Variants in PIGL observed in about 807,000 individuals in gnomAD.
PIGL encodes N-acetylglucosaminyl-phosphatidylinositol de-N-acetylase.
A neutral mutation model predicts 31.1 loss-of-function variants in PIGL; 22 were observed. That is an observed-to-expected ratio of 0.71 (90% CI 0.51 to 1.01). The LOEUF (loss-of-function observed/expected upper bound fraction) is 1.01. Among genes scored for constraint, PIGL ranks in the 50% least tolerant of loss-of-function variants. The pLI is 0.00. For synonymous variants in PIGL, 131 were observed against 117.4 expected (o/e 1.12, Z -0.75); for missense variants, 302 against 315.9 (o/e 0.96, Z 0.33).
chr17:16,252,199 G>A (rs1163132633), intron 2 of PIGL, among the ~76,000 whole-genome samples: 2 of 151,504 alleles, frequency 1.3e-5, no homozygotes, highest in Non-Finnish European at 2.9e-5. Flanking sequence ...TCAGCCTCCC[G>A]AGTAGGTGGG....
chr17:16,276,709 C>T (rs1191700241), intron 2 of PIGL, among the ~76,000 whole-genome samples: 1 of 152,006 alleles, frequency 6.6e-6, no homozygotes, highest in East Asian at 1.9e-4. Flanking sequence ...TGCACTCCAG[C>T]CTGGGTGACA....
At chr17:16,220,819 G>C (rs951834802) in intron 1 of PIGL, among the ~76,000 whole-genome samples, 8 of 152,004 alleles carry the variant, frequency 5.3e-5, no homozygotes, top group African/African-American at 1.9e-4. Context: ...TTTCAGTAGA[G>C]ACAGGGTTTC....
At chr17:16,251,733 A>G (rs2092772858) in intron 2 of PIGL, among the ~76,000 whole-genome samples, 1 of 151,758 alleles carries the variant, frequency 6.6e-6, no homozygotes, top group Admixed American at 6.6e-5. Context: ...TTCAGTACCT[A>G]GAATGACACT....
chr17:16,245,607 G>A (rs1246924990), intron 2 of PIGL, among the ~76,000 whole-genome samples: 2 of 148,998 alleles, frequency 1.3e-5, no homozygotes, highest in Admixed American at 6.8e-5. Context: ...GTTTCACCAT[G>A]TTGGGCAGGA....
chr17:16,237,452 A>G (rs1408857450), intron 2 of PIGL, among the ~76,000 whole-genome samples: 1 of 151,316 alleles, frequency 6.6e-6, no homozygotes, highest in African/African-American at 2.4e-5. Flanking sequence ...TATACAGATG[A>G]TTACAATTCA....
At chr17:16,299,766 T>C in intron 2 of PIGL, 122 bp from the exon 3 acceptor site, 1 of 716,544 alleles carries the variant, frequency 1.4e-6, no homozygotes, top group Non-Finnish European at 2.5e-6. Context: ...TGCTGAAGCT[T>C]AAGGGCAGGG....
At chr17:16,290,676 G>A (rs921620783) in intron 2 of PIGL, among the ~76,000 whole-genome samples, 1 of 152,086 alleles carries the variant, frequency 6.6e-6, no homozygotes, top group African/African-American at 2.4e-5. Context: ...GAGCTACTGC[G>A]CCCAGCCCAG....
chr17:16,306,679 G>A (rs1249944547), intron 3 of PIGL, among the ~76,000 whole-genome samples: 1 of 151,990 alleles, frequency 6.6e-6, no homozygotes, highest in Admixed American at 6.6e-5. Context: ...ACAGGCATGC[G>A]CCACCAGGCC....
intron 2 of PIGL, among the ~76,000 whole-genome samples, chr17:16,252,368 G>A (rs1038111218): frequency 1.3e-5 from 2 of 151,704 alleles, no homozygotes; most frequent in Non-Finnish European, 2.9e-5. Context: ...CACCCCACCC[G>A]GCCTCTTTTC....
At chr17:16,296,967 G>A (rs536207440) in intron 2 of PIGL, among the ~76,000 whole-genome samples, 5 of 152,148 alleles carry the variant, frequency 3.3e-5, no homozygotes, top group South Asian at 2.1e-4. Flanking sequence ...TGATCCGCCC[G>A]CCTCGGCCTC....
intron 1 of PIGL, among the ~76,000 whole-genome samples, chr17:16,218,384 C>T (rs544397809): frequency 6.6e-6 from 1 of 152,086 alleles, no homozygotes; most frequent in South Asian, 2.1e-4. Context: ...TATTCTATGC[C>T]CTAGGGATAC....
chr17:16,286,139 A>G (rs1170525853), intron 2 of PIGL, among the ~76,000 whole-genome samples: 1 of 152,190 alleles, frequency 6.6e-6, no homozygotes, highest in African/African-American at 2.4e-5. Flanking sequence ...GGGTGGCTGA[A>G]CCTTCCGGCT....
At chr17:16,223,732 AAAAG>A (rs1223987337) in intron 1 of PIGL, among the ~76,000 whole-genome samples, 7 of 152,058 alleles carry the variant, frequency 4.6e-5, no homozygotes, top group Non-Finnish European at 5.9e-5. Flanking sequence ...AGAAAAAAAA[AAAAG>A]AAAGCTCATT....
rs534716676 is a variant in PIGL at position 16,317,813 on chromosome 17, C to T, written c.565C>T (p.Arg189Cys). The T allele has an allele frequency of 1.2e-5, 19 of 1,613,968 alleles. No homozygotes were observed. The highest frequency in any genetic ancestry group is 1.7e-4 in the Middle Eastern group (1 of 6,006). The change falls in exon 6 of 7, where the codon CGC becomes TGC. Residue 189 changes from arginine to cysteine, a missense_variant. By Grantham distance (180) the Arg-to-Cys change is radical. Coordinates refer to ENST00000225609, the MANE Select transcript of PIGL (RefSeq NM_004278.4). Reference protein sequence around the residue: ...VLTLQSVNVLRKYISLLDLPL... With the variant: ...VLTLQSVNVLCKYISLLDLPL... ...CACGCTTCAGTCTGTGAATGTGCTG[C>T]GCAAGTACATCTCCCTTCTGGATCT...
chr17:16,314,592 C>T (rs888851219), intron 4 of PIGL, among the ~76,000 whole-genome samples: 17 of 152,138 alleles, frequency 1.1e-4, no homozygotes, highest in African/African-American at 4.1e-4. Flanking sequence ...TACCCACATA[C>T]TCTTTCTAGG....
intron 2 of PIGL, 174 bp downstream of exon 2, chr17:16,234,244 C>A: frequency 2.1e-6 from 1 of 477,578 alleles, no homozygotes; most frequent in Non-Finnish European, 3.8e-6. Flanking sequence ...CCGAGGTGGG[C>A]GGTCTCAGGA....
chr17:16,266,153 A>C (rs937827564), intron 2 of PIGL, among the ~76,000 whole-genome samples: 1 of 151,310 alleles, frequency 6.6e-6, no homozygotes, highest in Non-Finnish European at 1.5e-5. Flanking sequence ...GGTGGCTCAC[A>C]CCTGTAATCC....
At chr17:16,222,014 A>G (rs957729487) in intron 1 of PIGL, among the ~76,000 whole-genome samples, 4 of 152,126 alleles carry the variant, frequency 2.6e-5, no homozygotes, top group African/African-American at 9.7e-5. Flanking sequence ...CTCCCAAAAT[A>G]ATAGGATTAC....
At chr17:16,238,021 C>T (rs1223804387) in intron 2 of PIGL, among the ~76,000 whole-genome samples, 1 of 151,824 alleles carries the variant, frequency 6.6e-6, no homozygotes, top group African/African-American at 2.4e-5. Flanking sequence ...CATGGTGAAA[C>T]TCCATCTCTA....
Sources: allele counts gnomAD v4.1 joint callset (sites outside exome capture counted in the v4.1 genomes callset), GRCh38; gene constraint gnomAD v4.1.1; transcripts MANE v1.5; gene names NCBI Gene and HGNC (gene_info 2026-07-23, HGNC 2026-07-21).